The following SIRPB1 variants were observed in gnomAD, a reference collection of about 807,000 sequenced individuals.
SIRPB1 encodes the protein signal-regulatory protein beta-1.
In SIRPB1, 28 loss-of-function variants were observed where a neutral mutation model predicts 34.1. That is an observed-to-expected ratio of 0.82 (90% CI 0.61 to 1.12). The LOEUF (loss-of-function observed/expected upper bound fraction) is 1.12, where lower values mean the gene tolerates loss of function less well. Among genes scored for constraint, SIRPB1 ranks in the 50% most tolerant of loss-of-function variants. SIRPB1 has a pLI of 0.00. For missense variants in SIRPB1, 499 were observed against 507.0 expected (o/e 0.98, Z 0.15); for synonymous variants, 211 against 203.8 (o/e 1.04, Z -0.30).
Position 1,614,070 on chromosome 20 carries a change from G to A in SIRPB1, c.76+5799C>T, listed in dbSNP as rs142688509. ...CTCAGCTCTTATACAAAGCACTGAA[G>A]GCCAGAAGATAGAGGGATGGTAAGT... On this transcript the variant is annotated intron_variant, in intron 1 of 5. Coordinates refer to ENST00000381605, the MANE Select transcript of SIRPB1 (RefSeq NM_006065.5). Among the ~76,000 whole-genome samples, 107 of 152,322 alleles carry A rather than the reference G, an allele frequency of 7.0e-4. No individual in the cohort carries two copies. In the East Asian group the frequency reaches 0.01, roughly 15 times the overall value.
At chr20:1,565,837 C>T (rs964761434) in intron 5 of SIRPB1, among the ~76,000 whole-genome samples, 2 of 151,958 alleles carry the variant, frequency 1.3e-5, no homozygotes, top group African/African-American at 2.4e-5. Flanking sequence ...CAAGGGACCA[C>T]CCACTCAGTT....
chr20:1,618,937 A>G (rs2091669134), intron 1 of SIRPB1, among the ~76,000 whole-genome samples: 2 of 152,214 alleles, frequency 1.3e-5, no homozygotes, highest in African/African-American at 2.4e-5. Flanking sequence ...GCACCTCTGA[A>G]CGTTACAGTT....
rs539156734 is a variant in SIRPB1 at position 1,602,728 on chromosome 20, C to T, written c.76+17141G>A. ...CGGACTCCTCTTGCAACTGCGTGGG[C>T]GCATAACTGGGTGAGCAGTGGATGT... On this transcript the variant is annotated intron_variant, in intron 1 of 5. Coordinates refer to ENST00000381605, the MANE Select transcript of SIRPB1 (RefSeq NM_006065.5). 1.6e-4 allele frequency among the ~76,000 whole-genome samples: 8 copies of T among 49,264 alleles called. 3 individuals carry two copies. The South Asian group carries it at 5.8e-3, about 36-fold the overall frequency. 32.3% of individuals were successfully genotyped at this position (49,264 alleles called of 152,430 possible).
At chr20:1,579,614 T>C (rs1568692816) in intron 1 of SIRPB1, among the ~76,000 whole-genome samples, 1 of 148,800 alleles carries the variant, frequency 6.7e-6, no homozygotes, top group African/African-American at 2.4e-5. Context: ...AGTAGAAATA[T>C]AACCTTGTTT....
In SIRPB1 at chr20:1,564,410, G is replaced by A. The variant is rs1265732055; in HGVS notation, c.*1090C>T. The A allele has an allele frequency of 1.3e-5, 2 of 152,560 alleles. No individual in the cohort carries two copies. Among genetic ancestry groups the A allele is most frequent in the South Asian group, 2.1e-4 (1 of 4,840 alleles). 9.5% of individuals were successfully genotyped at this position (152,560 alleles called of 1,614,324 possible). A position where few individuals can be genotyped will look rare whatever the true frequency, so the allele number is the denominator to read the frequency against. ...GTTTATAGAAGGTGCCTTTAATGAAGTGACATTGAGCAGAGACTTGAAGGA... is the reference window on the plus strand; with the variant it reads ...GTTTATAGAAGGTGCCTTTAATGAAATGACATTGAGCAGAGACTTGAAGGA... On this transcript the variant is annotated 3_prime_UTR_variant, in exon 6 of 6. Coordinates refer to ENST00000381605, the MANE Select transcript of SIRPB1 (RefSeq NM_006065.5).
In SIRPB1 at chr20:1,579,270, G is replaced by A. The variant is rs2091367905; in HGVS notation, c.77-576C>T. Among the ~76,000 whole-genome samples, 2 of 148,324 alleles carry A rather than the reference G, an allele frequency of 1.3e-5. 1 individual carries two copies. The highest frequency in any genetic ancestry group is 4.9e-5 in the African/African-American group (2 of 40,850). ...CCTGGCCAAGAGGTTCAATTTCAATGTAGAGCTTTGGGTTGAGGACCTGAG... is the reference window on the plus strand; with the variant it reads ...CCTGGCCAAGAGGTTCAATTTCAATATAGAGCTTTGGGTTGAGGACCTGAG... On this transcript the variant is annotated intron_variant, in intron 1 of 5. Transcript: ENST00000381605.
At chr20:1,617,433 C>A (rs2091645922) in intron 1 of SIRPB1, among the ~76,000 whole-genome samples, 1 of 152,072 alleles carries the variant, frequency 6.6e-6, no homozygotes, top group Admixed American at 6.6e-5. Flanking sequence ...ATAAGCCAGG[C>A]ACAGAAAGAC....
intron 1 of SIRPB1, among the ~76,000 whole-genome samples, chr20:1,591,228 A>C (rs3859626): frequency 0.94 from 44,493 of 47,492 alleles, 22,077 homozygotes; most frequent in Middle Eastern, 1. Flanking sequence ...TCATGTGGGG[A>C]AATCCCTTAG....
Position 1,583,322 on chromosome 20 carries a change from G to A in SIRPB1, c.77-4628C>T, listed in dbSNP as rs534796109. Among the ~76,000 whole-genome samples, 7 of 48,930 alleles carry A rather than the reference G, an allele frequency of 1.4e-4. 3 individuals carry two copies. In the South Asian group the frequency reaches 5.2e-3, roughly 36 times the overall value. 32.1% of individuals were successfully genotyped at this position (48,930 alleles called of 152,430 possible). On this transcript the variant is annotated intron_variant, in intron 1 of 5. Transcript: ENST00000381605. ...TACCAGTTACCAATGAGTAACCTAGGAGCACTTTGTGCTTCTGTTTCCTTA... is the reference window on the plus strand; with the variant it reads ...TACCAGTTACCAATGAGTAACCTAGAAGCACTTTGTGCTTCTGTTTCCTTA...
chr20:1,616,448 G>T (rs1430601744), intron 1 of SIRPB1, among the ~76,000 whole-genome samples: 3 of 152,166 alleles, frequency 2.0e-5, no homozygotes, highest in Non-Finnish European at 4.4e-5. Flanking sequence ...ATGTCAAGCA[G>T]ACACAATTGG....
Position 1,578,152 on chromosome 20 carries a change from C to A in SIRPB1, c.433+186G>T, listed in dbSNP as rs1164298691. On this transcript the variant is annotated intron_variant, in intron 2 of 5. Transcript: ENST00000381605. ...GTCCCATCATTTACAAGCCGTGGAG[C>A]CTCGAGCGACTGCCATGACATCTCC... The A allele has an allele frequency of 2.1e-5, 14 of 655,054 alleles. 1 individual carries two copies. Among genetic ancestry groups the A allele is most frequent in the Non-Finnish European group, 3.7e-5 (14 of 382,658 alleles). The allele number at this position is 655,054 out of a possible 1,614,324, so 40.6% of individuals were successfully genotyped here. A position where few individuals can be genotyped will look rare whatever the true frequency, so the allele number is the denominator to read the frequency against.
chr20:1,578,647 C>T lies in SIRPB1; in HGVS notation c.124G>A (p.Val42Ile), dbSNP rs750935859. Residue 42 changes from valine (V) to isoleucine (I), a missense_variant, in exon 2 of 6, where the codon GTA becomes ATA. By Grantham distance (29) the Val-to-Ile change is conservative. Coordinates refer to ENST00000381605, the MANE Select transcript of SIRPB1 (RefSeq NM_006065.5). ...ELQVIQPEKS[V>I]SVAAGESATL... ...GCCGACTCTCCAGCTGCAACTGATA[C>T]GGACTTTTCAGGCTGAATCACCTGT... is the stretch of plus-strand genomic sequence containing the variant. The T allele has an allele frequency of 1.1e-5, 18 of 1,584,128 alleles. 1 individual carries two copies. Among genetic ancestry groups the T allele is most frequent in the South Asian group, 3.3e-5 (3 of 90,490 alleles).
intron 2 of SIRPB1, among the ~76,000 whole-genome samples, chr20:1,577,816 A>G (rs2091338689): frequency 6.8e-6 from 1 of 146,164 alleles, no homozygotes; most frequent in African/African-American, 2.5e-5. Context: ...CCCTGGACGG[A>G]TTTCTCCTCA....
In SIRPB1 at chr20:1,570,990, G is replaced by T. The variant is rs1403713010; in HGVS notation, c.899C>A (p.Thr300Asn). ...GGTGCCATCCTTGTTCTCTATGAGG[G>T]TCGAAGCTGTTTCTGTCCGGGACAC... ...GNVSRTETASTLIENKDGTYN... is the reference protein window; with the variant it reads ...GNVSRTETASNLIENKDGTYN... The change falls in exon 4 of 6, where the codon ACC (threonine) becomes AAC (asparagine). Residue 300 changes from threonine (T) to asparagine (N), a missense_variant. Thr to Asn is a moderately conservative substitution (Grantham distance 65). Coordinates refer to ENST00000381605, the MANE Select transcript of SIRPB1 (RefSeq NM_006065.5). 5 of 1,614,062 alleles carry T rather than the reference G, an allele frequency of 3.1e-6. No homozygotes were observed. The highest frequency in any genetic ancestry group is 4.2e-6 in the Non-Finnish European group (5 of 1,180,026).
At position 1,589,173 on chromosome 20, in the gene SIRPB1, A is replaced by G. The variant is rs1373080617; in HGVS notation, c.77-10479T>C. Among the ~76,000 whole-genome samples, 2 of 49,080 alleles carry G rather than the reference A, an allele frequency of 4.1e-5. 1 individual carries two copies. The highest frequency in any genetic ancestry group is 7.8e-5 in the Non-Finnish European group (2 of 25,524). The allele number at this position is 49,080 out of a possible 152,430, so 32.2% of individuals were successfully genotyped here. ...TTCCTTATTCAAACCTTTTAATGAT[A>G]TAACTGGCAAAACGTAGCTCAAATT... On this transcript the variant is annotated intron_variant, in intron 1 of 5. Transcript: ENST00000381605.
At chr20:1,613,722 A>G (rs2091590500) in intron 1 of SIRPB1, among the ~76,000 whole-genome samples, 1 of 152,232 alleles carries the variant, frequency 6.6e-6, no homozygotes, top group East Asian at 1.9e-4. Flanking sequence ...AGAGCACAGA[A>G]TCTAAGGGAA....
Position 1,578,334 on chromosome 20 carries a change from T to C in SIRPB1, c.433+4A>G, listed in dbSNP as rs1314621693. 6.3e-7 allele frequency: 1 copy of C among 1,581,910 alleles called. No individual in the cohort carries two copies. Among genetic ancestry groups the C allele is most frequent in the Non-Finnish European group, 8.7e-7 (1 of 1,155,614 alleles). On this transcript the variant is annotated splice_donor_region_variant and intron_variant, in intron 2 of 5. Transcript: ENST00000381605. Reference sequence around the variant, plus strand: ...GGGACAAAGGAGGCCCACGCTGTACTCACCGCGCACAGACAGCTCAGTGCC... The same window carrying C: ...GGGACAAAGGAGGCCCACGCTGTACCCACCGCGCACAGACAGCTCAGTGCC...
intron 3 of SIRPB1, 75 bp downstream of exon 3, chr20:1,571,645 G>A: frequency 6.2e-7 from 1 of 1,605,734 alleles, no homozygotes; most frequent in Non-Finnish European, 8.5e-7. Flanking sequence ...GGCCTTTCAA[G>A]CTCTGGAGCC....
intron 1 of SIRPB1, among the ~76,000 whole-genome samples, chr20:1,615,107 A>G (rs561738628): frequency 2.0e-5 from 3 of 152,368 alleles, no homozygotes; most frequent in Non-Finnish European, 4.4e-5. Context: ...TTGTGGCAAC[A>G]TATTCTTCAT....
Sources: gnomAD v4.1 joint callset for allele counts (sites outside exome capture counted in the v4.1 genomes callset) on GRCh38, gnomAD v4.1.1 for gene constraint, MANE v1.5 for transcripts, NCBI Gene and HGNC (gene_info 2026-07-23, HGNC 2026-07-21) for gene names.